DOCK4: variants seen among roughly 807,000 people sequenced by gnomAD.
DOCK4 encodes the protein dedicator of cytokinesis protein 4.
A neutral mutation model predicts 268.1 loss-of-function variants in DOCK4; 97 were observed. The observed-to-expected ratio is 0.36, with a 90% confidence interval of 0.31 to 0.43. The LOEUF (loss-of-function observed/expected upper bound fraction) is 0.43. Ranked by LOEUF, DOCK4 falls within the 20% of genes least tolerant of loss-of-function variation. The probability of loss-of-function intolerance (pLI) is 1.00; values close to 1 mark genes in which losing one functional copy is unlikely to be tolerated. For missense variants in DOCK4, 2,145 were observed against 2,455.7 expected, an observed-to-expected ratio of 0.87 and a Z score of 2.67; for synonymous variants, 954 against 887.2, an observed-to-expected ratio of 1.08 and a Z score of -1.34.
intron 42 of DOCK4, among the ~76,000 whole-genome samples, chr7:111,751,400 G>T (rs1449070895): frequency 6.6e-6 from 1 of 152,108 alleles, no homozygotes; most frequent in Non-Finnish European, 1.5e-5. Flanking sequence ...TGCAATGCAT[G>T]GCCCTTATTT....
intron 24 of DOCK4, among the ~76,000 whole-genome samples, chr7:111,845,497 C>T (rs1804028913): frequency 6.6e-6 from 1 of 152,088 alleles, no homozygotes; most frequent in Non-Finnish European, 1.5e-5. Context: ...AGTATCCACG[C>T]CCCAGGACTT....
chr7:112,068,170 T>C (rs571974412), intron 1 of DOCK4, among the ~76,000 whole-genome samples: 40 of 152,338 alleles, frequency 2.6e-4, no homozygotes, highest in African/African-American at 8.7e-4. Context: ...TGCACTATTG[T>C]ACTCATAATC....
intron 1 of DOCK4, among the ~76,000 whole-genome samples, chr7:112,192,125 T>C (rs1229036657): frequency 6.6e-6 from 1 of 151,394 alleles, no homozygotes; most frequent in Non-Finnish European, 1.5e-5. Context: ...TTTCTATTTA[T>C]CCTTCCCAAA....
chr7:111,990,739 T>C (rs1469645230), intron 5 of DOCK4, among the ~76,000 whole-genome samples: 1 of 152,176 alleles, frequency 6.6e-6, no homozygotes. Context: ...TACACTCCCA[T>C]ACAAGCCATT....
At chr7:112,143,893 G>T (rs536659842) in intron 1 of DOCK4, among the ~76,000 whole-genome samples, 3 of 152,082 alleles carry the variant, frequency 2.0e-5, no homozygotes, top group Non-Finnish European at 2.9e-5. Context: ...GTTTTGATTC[G>T]GATCATCTGT....
At chr7:112,054,207 A>G (rs1181088908) in intron 1 of DOCK4, among the ~76,000 whole-genome samples, 3 of 152,168 alleles carry the variant, frequency 2.0e-5, no homozygotes, top group Non-Finnish European at 4.4e-5. Context: ...TGGAACTGTG[A>G]GGTACAGGAA....
chr7:111,745,103 G>A (rs1796175982), intron 44 of DOCK4, among the ~76,000 whole-genome samples: 1 of 152,142 alleles, frequency 6.6e-6, no homozygotes, highest in South Asian at 2.1e-4. Context: ...AACCATTTCA[G>A]GCTATCAATA....
At chr7:112,087,897 T>C (rs1054905155) in intron 1 of DOCK4, among the ~76,000 whole-genome samples, 3 of 152,092 alleles carry the variant, frequency 2.0e-5, no homozygotes, top group Non-Finnish European at 4.4e-5. Context: ...TGGAGTGGCA[T>C]GCAGGTGGGA....
rs942174159 is a variant in DOCK4, at chr7:111,727,968, G to C, written c.*306C>G. 1 of 282,344 alleles carries C rather than the reference G, an allele frequency of 3.5e-6. No homozygotes were observed. Among genetic ancestry groups the C allele is most frequent in the Non-Finnish European group, 6.5e-6 (1 of 153,958 alleles). 17.5% of individuals were successfully genotyped at this position (282,344 alleles called of 1,614,324 possible). On this transcript the variant is annotated 3_prime_UTR_variant, in exon 53 of 53. Transcript: ENST00000428084. ...TTGTATCGTTTGACAATATCGTATT[G>C]GTTTTAAGATTAAACTATATAAAAA...
intron 8 of DOCK4, among the ~76,000 whole-genome samples, chr7:111,958,983 CA>C (rs1796651480): frequency 1.3e-5 from 2 of 151,924 alleles, no homozygotes; most frequent in African/African-American, 4.8e-5. Flanking sequence ...GAATTGTGAC[CA>C]AAGGGGGAGT....
chr7:111,763,184 C>T (rs577665081), intron 39 of DOCK4, among the ~76,000 whole-genome samples: 1 of 152,238 alleles, frequency 6.6e-6, no homozygotes, highest in African/African-American at 2.4e-5. Flanking sequence ...GACTTCTGGC[C>T]TCAAGCAATT....
chr7:111,900,273 A>G (rs971002010), intron 15 of DOCK4, 101 bp downstream of exon 15: 12 of 1,352,954 alleles, frequency 8.9e-6, no homozygotes, highest in Non-Finnish European at 1.1e-5. Flanking sequence ...GATTTTTACA[A>G]AAGTAATCAA....
At chr7:112,071,552 A>G (rs149180193) in intron 1 of DOCK4, among the ~76,000 whole-genome samples, 196 of 152,330 alleles carry the variant, frequency 1.3e-3, no homozygotes, top group African/African-American at 4.2e-3. Flanking sequence ...AAAAGTTAAA[A>G]AGTCCTATTA....
At chr7:111,871,516 A>T (rs1415231553) in intron 20 of DOCK4, among the ~76,000 whole-genome samples, 5 of 152,256 alleles carry the variant, frequency 3.3e-5, no homozygotes, top group African/African-American at 1.2e-4. Flanking sequence ...TCACATCATC[A>T]GCATAAAGTA....
At chr7:111,840,287 G>A (rs906320926) in intron 25 of DOCK4, among the ~76,000 whole-genome samples, 3 of 152,184 alleles carry the variant, frequency 2.0e-5, no homozygotes, top group Non-Finnish European at 4.4e-5. Context: ...GACATCACAT[G>A]AAAATTTTAG....
At chr7:111,969,305 G>A (rs1586528576) in intron 8 of DOCK4, among the ~76,000 whole-genome samples, 2 of 149,330 alleles carry the variant, frequency 1.3e-5, no homozygotes, top group Non-Finnish European at 3.0e-5. Flanking sequence ...TTCCAATTCT[G>A]TATGAAAGAT....
intron 16 of DOCK4, among the ~76,000 whole-genome samples, chr7:111,883,533 C>A (rs529958589): frequency 1.3e-5 from 2 of 152,142 alleles, no homozygotes; most frequent in African/African-American, 2.4e-5. Context: ...CTCTCCTCCC[C>A]CTAACTGCCT....
At chr7:111,735,290 G>A in intron 50 of DOCK4, 123 bp from the exon 51 acceptor site, 1 of 627,520 alleles carries the variant, frequency 1.6e-6, no homozygotes, top group African/African-American at 1.9e-5. Flanking sequence ...AACAAAACAG[G>A]AAACTTCTTG....
At chr7:111,945,459 T>C (rs1378696678) in intron 9 of DOCK4, among the ~76,000 whole-genome samples, 2 of 152,244 alleles carry the variant, frequency 1.3e-5, no homozygotes, top group Non-Finnish European at 2.9e-5. Flanking sequence ...GTACTGGGAT[T>C]ATAGGCATGA....
Sources: gnomAD v4.1 joint callset for allele counts (sites outside exome capture counted in the v4.1 genomes callset) on GRCh38, gnomAD v4.1.1 for gene constraint, MANE v1.5 for transcripts, NCBI Gene and HGNC (gene_info 2026-07-23, HGNC 2026-07-21) for gene names.